Variants in ABCG1 observed in about 807,000 individuals in gnomAD.
ABCG1 encodes the protein ATP binding cassette subfamily G member 1, also known as ATP-binding cassette sub-family G member 1.
Under a neutral mutation model 69.2 loss-of-function variants are expected in ABCG1, and 29 were observed. The observed-to-expected ratio is 0.42, with a 90% CI of 0.31 to 0.57. The LOEUF is 0.57. Ranked by LOEUF, ABCG1 falls within the 20% of genes least tolerant of loss-of-function variation. The pLI is 0.15. For missense variants in ABCG1, 718 were observed against 898.1 expected (o/e 0.80, Z 2.56); for synonymous variants, 370 against 374.8 (o/e 0.99, Z 0.15).
intron 2 of ABCG1, among the ~76,000 whole-genome samples, chr21:42,265,022 C>T (rs2123704884): frequency 6.6e-6 from 1 of 152,310 alleles, no homozygotes; most frequent in African/African-American, 2.4e-5. Flanking sequence ...GAGATCAGAG[C>T]CAGCTTGTTG....
intron 2 of ABCG1, among the ~76,000 whole-genome samples, chr21:42,243,492 G>T (rs1021783239): frequency 8.1e-6 from 1 of 123,502 alleles, no homozygotes; most frequent in Non-Finnish European, 1.7e-5. Flanking sequence ...GTGTGTGTGC[G>T]CTGGTTTATA....
chr21:42,269,149 C>A (rs1300370821), intron 2 of ABCG1, among the ~76,000 whole-genome samples: 2 of 152,180 alleles, frequency 1.3e-5, no homozygotes, highest in African/African-American at 4.8e-5. Flanking sequence ...GAGGACACAG[C>A]CTAAGGGAGG....
chr21:42,206,111 C>A (rs575073209), intron 2 of ABCG1, among the ~76,000 whole-genome samples: 7 of 152,298 alleles, frequency 4.6e-5, no homozygotes, highest in African/African-American at 1.7e-4. Context: ...GTAATCCCAG[C>A]ACTTTGGGAG....
Position 42,225,772 on chromosome 21 carries a change from G to C in ABCG1, c.144G>C (p.Leu48=). 6.2e-7 allele frequency: 1 copy of C among 1,614,082 alleles called. No individual in the cohort carries two copies. Among genetic ancestry groups the C allele is most frequent in the Non-Finnish European group, 8.5e-7 (1 of 1,180,026 alleles). The change falls in exon 2 of 15, where the codon CTG becomes CTC. Residue 48 remains leucine (L), a synonymous_variant. Transcript: ENST00000398449. ...ACATGGAGGCCACTGAGACGGACCT[G>C]CTGAATGGACATCTGAAAAAAGTAG... is the stretch of plus-strand genomic sequence containing the variant. The part of the protein sequence containing the change: ...SSNMEATETD[L]LNGHLKKVDN...
chr21:42,270,464 G>C (rs2068596191), intron 2 of ABCG1, among the ~76,000 whole-genome samples: 1 of 151,836 alleles, frequency 6.6e-6, no homozygotes, highest in African/African-American at 2.4e-5. Flanking sequence ...GTTTGGTGTG[G>C]CTCCAAAATG....
At chr21:42,211,380 C>G (rs753118053), upstream of ABCG1, among the ~76,000 whole-genome samples, 4 of 152,046 alleles carry the variant, frequency 2.6e-5, no homozygotes, top group Admixed American at 6.5e-5. Context: ...CTTTCCCAGG[C>G]TTCTGCTTGA....
chr21:42,282,009 A>G (rs1317701684), intron 5 of ABCG1, among the ~76,000 whole-genome samples: 1 of 152,080 alleles, frequency 6.6e-6, no homozygotes, highest in Non-Finnish European at 1.5e-5. Context: ...CTTGTATCTG[A>G]CCCCAGCACT....
At chr21:42,220,186 C>G (rs2067701560) in intron 1 of ABCG1, 1 of 708,272 alleles carries the variant, frequency 1.4e-6, no homozygotes, top group South Asian at 1.8e-5. Context: ...GCCCAGCACA[C>G]CAACATCGTA....
intron 3 of ABCG1, among the ~76,000 whole-genome samples, chr21:42,272,926 A>C (rs1462077165): frequency 1.3e-5 from 2 of 152,220 alleles, no homozygotes; most frequent in East Asian, 1.9e-4. Flanking sequence ...TCAGAAGCCA[A>C]CGTTACAAAC....
chr21:42,292,197 T>C (rs905548837), intron 13 of ABCG1, among the ~76,000 whole-genome samples: 7 of 152,116 alleles, frequency 4.6e-5, no homozygotes, highest in African/African-American at 1.4e-4. Flanking sequence ...CCTGTCCTTC[T>C]GGACAAAAGC....
chr21:42,249,229 G>A (rs981128885), intron 2 of ABCG1, among the ~76,000 whole-genome samples: 9 of 152,132 alleles, frequency 5.9e-5, no homozygotes, highest in African/African-American at 9.7e-5. Context: ...AGGGAGGGGC[G>A]CCGGGCCTGG....
intron 2 of ABCG1, among the ~76,000 whole-genome samples, chr21:42,251,234 A>C (rs2068216108): frequency 1.3e-5 from 2 of 152,170 alleles, no homozygotes; most frequent in South Asian, 2.1e-4. Context: ...TGGAGGAAGG[A>C]GGTTTGCTTT....
At position 42,296,776 on chromosome 21, in the gene ABCG1, T is replaced by G. The variant is rs1170789847; in HGVS notation, c.*384T>G. On this transcript the variant is annotated 3_prime_UTR_variant, in exon 15 of 15. Transcript: ENST00000398449. The surrounding 1 kb of genome is among the most constrained non-coding windows in gnomAD (Gnocchi z 5.4). The stretch of plus-strand genomic sequence containing the variant: ...TGGATGGGGAACTGCAAGCAGCCTC[T>G]CAGCTGATGGCTGCACAGTCAGATG... 1.1e-5 allele frequency: 3 copies of G among 264,782 alleles called. No homozygotes were observed. The Admixed American group carries it at 1.4e-4, about 13-fold the overall frequency. The allele number at this position is 264,782 out of a possible 1,614,324, so 16.4% of individuals were successfully genotyped here.
intron 1 of ABCG1, among the ~76,000 whole-genome samples, chr21:42,223,393 T>C (rs1317961554): frequency 6.6e-6 from 1 of 152,210 alleles, no homozygotes; most frequent in Admixed American, 6.5e-5. Context: ...CATAGTATGC[T>C]TTCCGCCTGG....
At position 42,219,377 on chromosome 21, in the gene ABCG1, G is replaced by T. The variant is rs560651518; in HGVS notation, c.42+73G>T. ...GAGAGCAGGAAACACACAAAGACTCGCAAGCTCGACCTGACACCCCTCCCA... is the reference window on the plus strand; with the variant it reads ...GAGAGCAGGAAACACACAAAGACTCTCAAGCTCGACCTGACACCCCTCCCA... On this transcript the variant is annotated intron_variant, in intron 1 of 14. Coordinates refer to ENST00000398449, the MANE Select transcript of ABCG1 (RefSeq NM_016818.3). This position sits in a 1 kb window ranked among gnomAD's most constrained non-coding sequence, Gnocchi z 5.3. The T allele has an allele frequency of 2.3e-5, 35 of 1,548,396 alleles. No homozygotes were observed. The African/African-American group carries it at 4.1e-4, about 18-fold the overall frequency.
At chr21:42,241,668 C>T (rs1248977301) in intron 2 of ABCG1, among the ~76,000 whole-genome samples, 1 of 150,792 alleles carries the variant, frequency 6.6e-6, no homozygotes. Context: ...TAATTTTATA[C>T]TGTTTCCTAA....
chr21:42,294,986 C>T (rs1333883581), intron 14 of ABCG1: 4 of 307,428 alleles, frequency 1.3e-5, no homozygotes, highest in Non-Finnish European at 2.5e-5. Context: ...CCCGAAGTGC[C>T]GAGTGCTCCT....
At position 42,225,829 on chromosome 21, in the gene ABCG1, C is replaced by T. The variant is rs762246078; in HGVS notation, c.201C>T (p.Ser67=). 8.7e-6 allele frequency: 14 copies of T among 1,613,952 alleles called. No homozygotes were observed. The highest frequency in any genetic ancestry group is 1.1e-5 in the Non-Finnish European group (13 of 1,180,018). Residue 67 remains serine (S), a synonymous_variant, in exon 2 of 15, where the codon TCC becomes TCT. Transcript: ENST00000398449. The stretch of plus-strand genomic sequence containing the variant: ...ACCTCACGGAAGCCCAGCGCTTCTC[C>T]TCCTTGCCTCGGAGGGCAGCTGTGA... ...DNNLTEAQRF[S]SLPRRAAVNI... is the part of the protein sequence containing the mutation.
chr21:42,260,275 C>T lies in ABCG1; in HGVS notation c.287-10795C>T, dbSNP rs140995242. 2.8e-5 allele frequency: 42 copies of T among 1,475,684 alleles called. 1 individual carries two copies. Among genetic ancestry groups the T allele is most frequent in the Non-Finnish European group, 3.6e-5 (40 of 1,109,422 alleles). The allele number at this position is 1,475,684 out of a possible 1,614,324, so 91.4% of individuals were successfully genotyped here. The stretch of plus-strand genomic sequence containing the variant: ...CTAGGACCCAGCTTCCACCACGGAG[C>T]CGAATGGTGGCCCGGCTGGGGCCAG... On this transcript the variant is annotated intron_variant, in intron 2 of 14. Coordinates refer to ENST00000398449, the MANE Select transcript of ABCG1 (RefSeq NM_016818.3).
Sources: allele counts gnomAD v4.1 joint callset (sites outside exome capture counted in the v4.1 genomes callset), GRCh38; gene constraint gnomAD v4.1.1; non-coding constraint Gnocchi (gnomAD v3.1); transcripts MANE v1.5; gene names NCBI Gene and HGNC (gene_info 2026-07-23, HGNC 2026-07-21).